The following CHST11 variants were observed in gnomAD, a reference collection of about 807,000 sequenced individuals.
CHST11 encodes the protein carbohydrate sulfotransferase 11.
In CHST11, 9 loss-of-function variants were observed where a neutral mutation model predicts 30.4. The ratio of observed to expected loss-of-function variants is 0.30; its 90% confidence interval spans 0.18 to 0.52. CHST11 has a LOEUF of 0.52. CHST11 is among the 20% of genes least tolerant of loss of function. The pLI is 0.97. For missense variants in CHST11, 348 were observed against 460.6 expected (o/e 0.76, Z 2.24); for synonymous variants, 152 against 187.8 (o/e 0.81, Z 1.56).
chr12:104,685,591 C>G (rs953747012), intron 2 of CHST11, among the ~76,000 whole-genome samples: 1 of 152,204 alleles, frequency 6.6e-6, no homozygotes, highest in Non-Finnish European at 1.5e-5. Context: ...ATTTCCATCA[C>G]CTAGATGAAC....
At chr12:104,596,175 G>A (rs1311661736) in intron 1 of CHST11, among the ~76,000 whole-genome samples, 2 of 152,226 alleles carry the variant, frequency 1.3e-5, no homozygotes, top group Non-Finnish European at 2.9e-5. Flanking sequence ...TGATGAGGTT[G>A]AATCAGACAC....
chr12:104,593,429 GA>G (rs1175402784), intron 1 of CHST11, among the ~76,000 whole-genome samples: 1 of 152,184 alleles, frequency 6.6e-6, no homozygotes, highest in East Asian at 1.9e-4. Flanking sequence ...ATAATGGCAT[GA>G]ATGACAGGTT....
At chr12:104,537,489 G>A (rs2038247911) in intron 1 of CHST11, among the ~76,000 whole-genome samples, 1 of 152,036 alleles carries the variant, frequency 6.6e-6, no homozygotes, top group Admixed American at 6.5e-5. Context: ...TCACAGGCAA[G>A]TTACTTAACT....
At chr12:104,494,892 T>C (rs1372650354) in intron 1 of CHST11, among the ~76,000 whole-genome samples, 2 of 152,220 alleles carry the variant, frequency 1.3e-5, no homozygotes, top group Admixed American at 6.5e-5. Flanking sequence ...AGTATATTCA[T>C]ACTGTTGTGC....
chr12:104,476,131 ATATAT>A (rs1364728927), intron 1 of CHST11, among the ~76,000 whole-genome samples: 7 of 144,650 alleles, frequency 4.8e-5, no homozygotes, highest in African/African-American at 7.6e-5. Context: ...ATATAATATA[ATATAT>A]TATATATTAT....
chr12:104,465,462 T>A (rs1045395442), intron 1 of CHST11, among the ~76,000 whole-genome samples: 1 of 152,170 alleles, frequency 6.6e-6, no homozygotes, highest in Non-Finnish European at 1.5e-5. Flanking sequence ...CCAATGTGGA[T>A]TTTTGTTTCT....
At chr12:104,542,680 T>G (rs2038296878) in intron 1 of CHST11, among the ~76,000 whole-genome samples, 1 of 152,214 alleles carries the variant, frequency 6.6e-6, no homozygotes, top group South Asian at 2.1e-4. Context: ...AGTAGACAGT[T>G]GTTGCCTGGG....
At chr12:104,471,130 G>C (rs1200298735) in intron 1 of CHST11, among the ~76,000 whole-genome samples, 1 of 152,178 alleles carries the variant, frequency 6.6e-6, no homozygotes, top group African/African-American at 2.4e-5. Flanking sequence ...CTCTTGGTCA[G>C]AATGAGGGGA....
At chr12:104,723,973 T>C (rs1230077766) in intron 2 of CHST11, among the ~76,000 whole-genome samples, 1 of 152,210 alleles carries the variant, frequency 6.6e-6, no homozygotes, top group African/African-American at 2.4e-5. Context: ...TAATTGAACA[T>C]ATAAGGCATT....
At chr12:104,607,980 C>T (rs1592791180) in intron 2 of CHST11, among the ~76,000 whole-genome samples, 1 of 152,142 alleles carries the variant, frequency 6.6e-6, no homozygotes, top group Non-Finnish European at 1.5e-5. Context: ...TAGACTGGAT[C>T]AGTGTTTATC....
chr12:104,670,553 C>A (rs1566031337), intron 2 of CHST11, among the ~76,000 whole-genome samples: 1 of 150,718 alleles, frequency 6.6e-6, no homozygotes, highest in Non-Finnish European at 1.5e-5. Context: ...ACACACACTC[C>A]CACACATACA....
At chr12:104,698,252 C>G (rs36121598) in intron 2 of CHST11, among the ~76,000 whole-genome samples, 3,504 of 152,236 alleles carry the variant, frequency 0.023, 57 homozygotes, top group East Asian at 0.058. Context: ...CAACCTCAAC[C>G]CATTTCTCCA....
At chr12:104,604,882 A>G (rs2038988797) in intron 2 of CHST11, among the ~76,000 whole-genome samples, 1 of 152,202 alleles carries the variant, frequency 6.6e-6, no homozygotes, top group Admixed American at 6.5e-5. Flanking sequence ...TACCAGTACC[A>G]TAGGCCAGAT....
chr12:104,722,920 C>T (rs990929708), intron 2 of CHST11, among the ~76,000 whole-genome samples: 4 of 152,170 alleles, frequency 2.6e-5, no homozygotes, highest in African/African-American at 4.8e-5. Flanking sequence ...GACAAACCCA[C>T]GTGTCCTACG....
intron 2 of CHST11, among the ~76,000 whole-genome samples, chr12:104,651,977 C>G (rs1241689336): frequency 6.6e-6 from 1 of 152,206 alleles, no homozygotes; most frequent in Non-Finnish European, 1.5e-5. Context: ...CAGCCCCTGA[C>G]TTCTGCATTT....
chr12:104,551,053 G>C (rs566920590), intron 1 of CHST11, among the ~76,000 whole-genome samples: 11 of 152,276 alleles, frequency 7.2e-5, no homozygotes, highest in Middle Eastern at 6.8e-3. Context: ...TTATTTCTTA[G>C]CACTTTTCAG....
At chr12:104,602,022 A>ATTT (rs5800627) in intron 2 of CHST11, 31 bp downstream of exon 2, 319 of 1,202,370 alleles carry the variant, frequency 2.7e-4, no homozygotes, top group East Asian at 3.5e-4. Context: ...CAGCATGTGA[A>ATTT]TTTTTTTTTT....
chr12:104,584,262 T>TTC (rs386377627), intron 1 of CHST11, among the ~76,000 whole-genome samples: 2 of 3,392 alleles, frequency 5.9e-4, no homozygotes, highest in Non-Finnish European at 1.1e-3. Context: ...CTCTTTCTTC[T>TTC]TTTTTTTTTT....
intron 2 of CHST11, among the ~76,000 whole-genome samples, chr12:104,653,129 G>A (rs895502015): frequency 6.6e-6 from 1 of 152,068 alleles, no homozygotes; most frequent in African/African-American, 2.4e-5. Context: ...TCTCTATACC[G>A]TTTGAACAAT....
Sources: gnomAD v4.1 joint callset for allele counts (sites outside exome capture counted in the v4.1 genomes callset) on GRCh38, gnomAD v4.1.1 for gene constraint, MANE v1.5 for transcripts, NCBI Gene and HGNC (gene_info 2026-07-23, HGNC 2026-07-21) for gene names.